Variants in MAP4 observed in about 807,000 individuals in gnomAD.
MAP4 encodes microtubule associated protein 4, also known as microtubule-associated protein 4.
A neutral mutation model predicts 170.2 loss-of-function variants in MAP4; 76 were observed. That is an observed-to-expected ratio of 0.45 (90% confidence interval 0.37 to 0.54). MAP4 has a LOEUF of 0.54. MAP4 is among the 20% of genes least tolerant of loss of function. The probability of loss-of-function intolerance (pLI) is 0.00; values close to 1 mark genes in which losing one functional copy is unlikely to be tolerated. For missense variants in MAP4, 2,506 were observed against 2,748.0 expected (o/e 0.91, Z 1.97); for synonymous variants, 909 against 994.5 (o/e 0.91, Z 1.62).
chr3:47,910,604 A>C lies in MAP4; in HGVS notation c.3817T>G (p.Ser1273Ala). Reference sequence around the variant, plus strand: ...ACTGTGGGTGTATCTGGTGTATGTGAGAACGAAGAATCATGCATTTTGGGG... The same window carrying C: ...ACTGTGGGTGTATCTGGTGTATGTGCGAACGAAGAATCATGCATTTTGGGG... ...TFPKMHDSSF[S>A]HTPDTPTVEA... Residue 1273 changes from serine (S) to alanine (A), a missense_variant, in exon 9 of 21, where the codon TCA becomes GCA. By Grantham distance (99) the Ser-to-Ala change is moderately conservative (BLOSUM62 1). Transcript: ENST00000683076. 1 of 1,536,104 alleles carries C rather than the reference A, an allele frequency of 6.5e-7. No individual in the cohort carries two copies. The highest frequency in any genetic ancestry group is 8.7e-7 in the Non-Finnish European group (1 of 1,146,908).
chr3:48,024,237 G>A (rs1258639233), intron 1 of MAP4, among the ~76,000 whole-genome samples: 2 of 152,136 alleles, frequency 1.3e-5, no homozygotes, highest in South Asian at 2.1e-4. Flanking sequence ...TTGAACCTGG[G>A]AGGCAGAGGT....
chr3:47,910,933 C>A lies in MAP4; in HGVS notation c.3488G>T (p.Gly1163Val). Residue 1163 changes from glycine to valine, a missense_variant, in exon 9 of 21, where the codon GGA becomes GTA. By Grantham distance (109) the Gly-to-Val change is moderately radical. Transcript: ENST00000683076. The part of the protein sequence containing the change: ...TMQALIPLES[G>V]SGMTQTSGVS... Reference sequence around the variant, plus strand: ...ACCAGAAGTCTGAGTCATGCCTGATCCACTTTCCAAAGGAATCAATGCCTG... The same window carrying A: ...ACCAGAAGTCTGAGTCATGCCTGATACACTTTCCAAAGGAATCAATGCCTG... 6.5e-7 allele frequency: 1 copy of A among 1,536,144 alleles called. No homozygotes were observed. The highest frequency in any genetic ancestry group is 8.7e-7 in the Non-Finnish European group (1 of 1,146,908).
At chr3:47,921,279 G>C (rs928692015) in intron 5 of MAP4, among the ~76,000 whole-genome samples, 2 of 152,184 alleles carry the variant, frequency 1.3e-5, no homozygotes, top group African/African-American at 4.8e-5. Flanking sequence ...AAGGTGATGT[G>C]TGAAAGGCCA....
intron 3 of MAP4, among the ~76,000 whole-genome samples, chr3:47,962,782 A>G (rs1315519095): frequency 6.6e-6 from 1 of 152,260 alleles, no homozygotes; most frequent in Non-Finnish European, 1.5e-5. Context: ...AACATACTGT[A>G]TCTCTGTTGC....
intron 7 of MAP4, 116 bp downstream of exon 7, chr3:47,915,835 A>C: frequency 8.3e-7 from 1 of 1,209,434 alleles, no homozygotes; most frequent in Non-Finnish European, 1.1e-6. Context: ...AGTATGAATA[A>C]ACTTGCAAAG....
chr3:47,963,316 T>TTAATTAAAAATTAAATAGAATGC (rs2100072825), intron 3 of MAP4, among the ~76,000 whole-genome samples: 1 of 152,228 alleles, frequency 6.6e-6, no homozygotes, highest in Non-Finnish European at 1.5e-5. Context: ...TAATATCATC[T>TTAATTAAAAATTAAATAGAATGC]TACATTTAAA....
In MAP4 at chr3:47,866,796, T is replaced by A. The variant is rs192874517; in HGVS notation, c.6501+450A>T. 4.6e-5 allele frequency among the ~76,000 whole-genome samples: 7 copies of A among 152,286 alleles called. No homozygotes were observed. The East Asian group carries it at 1.4e-3, about 29-fold the overall frequency. Reference sequence around the variant, plus strand: ...GGATAGGAAGAAAATGTTGATTAATTCTTATTTTATAATAACAAGGATTCA... The same window carrying A: ...GGATAGGAAGAAAATGTTGATTAATACTTATTTTATAATAACAAGGATTCA... On this transcript the variant is annotated intron_variant, in intron 17 of 20. Transcript: ENST00000683076.
intron 1 of MAP4, among the ~76,000 whole-genome samples, chr3:48,004,505 G>T (rs2100101144): frequency 6.6e-6 from 1 of 152,208 alleles, no homozygotes; most frequent in Admixed American, 6.5e-5. Flanking sequence ...CTGTTTCCTG[G>T]CTTCAGAAGC....
intron 2 of MAP4, among the ~76,000 whole-genome samples, chr3:47,992,388 A>G (rs2100092853): frequency 6.6e-6 from 1 of 152,108 alleles, no homozygotes; most frequent in South Asian, 2.1e-4. Flanking sequence ...TATGGAAAAA[A>G]TGTAGTAATT....
At chr3:47,880,889 T>A (rs372936084) in intron 10 of MAP4, among the ~76,000 whole-genome samples, 1 of 152,056 alleles carries the variant, frequency 6.6e-6, no homozygotes, top group Non-Finnish European at 1.5e-5. Context: ...TCAATGTTTA[T>A]GAGATTTTGT....
In MAP4 at chr3:47,875,859, T is replaced by G. The variant is rs776024813; in HGVS notation, c.5583A>C (p.Lys1861Asn). The G allele has an allele frequency of 6.2e-7, 1 of 1,613,124 alleles. No individual in the cohort carries two copies. Among genetic ancestry groups the G allele is most frequent in the South Asian group, 1.1e-5 (1 of 90,910 alleles). The change falls in exon 12 of 21, where the codon AAA becomes AAC. Residue 1861 changes from lysine (K) to asparagine (N), a missense_variant. Coordinates refer to ENST00000683076, the MANE Select transcript of MAP4 (RefSeq NM_001385682.1). ...TTQPAKTSTSKAKTQPTSLPK... is the reference protein window; with the variant it reads ...TTQPAKTSTSNAKTQPTSLPK... The stretch of plus-strand genomic sequence containing the variant: ...GGAGAGAAGTGGGCTGTGTTTTGGC[T>G]TTCGATGTTGAAGTCTTTGCAGGTT...
chr3:47,853,386 T>G, intron 19 of MAP4, 34 bp from the exon 20 acceptor site: 1 of 1,421,912 alleles, frequency 7.0e-7, no homozygotes, highest in Non-Finnish European at 9.7e-7. Flanking sequence ...CAGTGCAGGG[T>G]CAGTCGAGGG....
intron 10 of MAP4, among the ~76,000 whole-genome samples, chr3:47,888,173 G>A (rs1281585852): frequency 3.3e-5 from 5 of 152,256 alleles, no homozygotes; most frequent in Non-Finnish European, 5.9e-5. Flanking sequence ...GATTGTAAAC[G>A]CACCAATCAG....
At chr3:47,974,510 G>C (rs2100080797) in intron 3 of MAP4, 1 of 983,668 alleles carries the variant, frequency 1.0e-6, no homozygotes, top group Admixed American at 6.2e-5. Flanking sequence ...TGTACCTTGG[G>C]GGTTATAAGA....
At chr3:48,022,397 G>A (rs1261063837) in intron 1 of MAP4, among the ~76,000 whole-genome samples, 1 of 152,102 alleles carries the variant, frequency 6.6e-6, no homozygotes, top group African/African-American at 2.4e-5. Context: ...CAAGAAGGGA[G>A]GGAGGGAAAT....
At chr3:47,971,804 CTG>C (rs530127441) in intron 3 of MAP4, among the ~76,000 whole-genome samples, 2 of 152,276 alleles carry the variant, frequency 1.3e-5, no homozygotes, top group African/African-American at 4.8e-5. Context: ...TGGACCAGTC[CTG>C]TGTCTTTGCC....
intron 3 of MAP4, among the ~76,000 whole-genome samples, chr3:47,955,297 CACCAGAAGCA>C (rs1239708840): frequency 1.3e-5 from 2 of 152,156 alleles, no homozygotes; most frequent in Non-Finnish European, 2.9e-5. Context: ...CTGCAAGAAC[CACCAGAAGCA>C]CATTGCTTTT....
upstream of MAP4, among the ~76,000 whole-genome samples, chr3:48,017,301 G>A (rs566243028): frequency 2.6e-5 from 4 of 152,084 alleles, no homozygotes; most frequent in South Asian, 4.2e-4. Context: ...CAATGACTTC[G>A]CTGTACTTCA....
At chr3:48,081,352 C>T (rs889722276) in intron 1 of MAP4, among the ~76,000 whole-genome samples, 8 of 151,774 alleles carry the variant, frequency 5.3e-5, no homozygotes, top group African/African-American at 1.7e-4. Flanking sequence ...ATTCTAGATA[C>T]AATCACTCAC....
Sources: allele counts gnomAD v4.1 joint callset (sites outside exome capture counted in the v4.1 genomes callset), GRCh38; gene constraint gnomAD v4.1.1; transcripts MANE v1.5; gene names NCBI Gene and HGNC (gene_info 2026-07-23, HGNC 2026-07-21).